ZNF780B: variants seen among roughly 807,000 people sequenced by gnomAD.
The protein encoded by ZNF780B is zinc finger protein 779.
ZNF780B carries 52 observed loss-of-function variants against 74.1 expected under a neutral mutation model. The ratio of observed to expected loss-of-function variants is 0.70; its 90% CI spans 0.56 to 0.88. The LOEUF is 0.88. Ranked by LOEUF, ZNF780B falls within the 40% of genes least tolerant of loss-of-function variation. The probability of loss-of-function intolerance (pLI) is 0.00; values close to 1 mark genes in which losing one functional copy is unlikely to be tolerated. For missense variants in ZNF780B, 953 were observed against 1,007.6 expected, an observed-to-expected ratio of 0.95 and a Z score of 0.73; for synonymous variants, 315 against 324.3, an observed-to-expected ratio of 0.97 and a Z score of 0.31.
At chr19:40,049,916 G>A (rs947154592) in intron 2 of ZNF780B, among the ~76,000 whole-genome samples, 2 of 152,046 alleles carry the variant, frequency 1.3e-5, no homozygotes, top group Admixed American at 6.5e-5. Context: ...TGTGGATCCT[G>A]GCCAGGCACA....
intron 4 of ZNF780B, among the ~76,000 whole-genome samples, chr19:40,044,452 A>G (rs1205449150): frequency 6.6e-6 from 1 of 152,240 alleles, no homozygotes; most frequent in Non-Finnish European, 1.5e-5. Flanking sequence ...ACAGAGAGAA[A>G]TGAGAGAGAA....
At chr19:40,046,218 A>G (rs1972927177) in intron 4 of ZNF780B, among the ~76,000 whole-genome samples, 1 of 152,208 alleles carries the variant, frequency 6.6e-6, no homozygotes, top group Non-Finnish European at 1.5e-5. Flanking sequence ...ACAACAATGT[A>G]TTGTATATTT....
rs1483495207 is a variant in ZNF780B, at chr19:40,031,652, T to A, written c.*2705A>T. ...TGAACAAAAAAGAGGTTCCGGACAA[T>A]CTTGGCTCCCTATACAATCCAAAGG... On this transcript the variant is annotated 3_prime_UTR_variant, in exon 5 of 5. Coordinates refer to ENST00000434248, the MANE Select transcript of ZNF780B (RefSeq NM_001005851.3). The A allele has an allele frequency of 6.4e-6, 1 of 155,698 alleles. No individual in the cohort carries two copies. The highest frequency in any genetic ancestry group is 1.4e-5 in the Non-Finnish European group (1 of 70,186). The allele number at this position is 155,698 out of a possible 1,614,324, so 9.6% of individuals were successfully genotyped here. A position where few individuals can be genotyped will look rare whatever the true frequency, so the allele number is the denominator to read the frequency against.
chr19:40,053,329 C>A (rs1434585162), intron 1 of ZNF780B, among the ~76,000 whole-genome samples: 3 of 152,184 alleles, frequency 2.0e-5, no homozygotes, highest in Non-Finnish European at 2.9e-5. Flanking sequence ...CATTACTAAT[C>A]ATCAGGGAAA....
In ZNF780B at chr19:40,033,141, C is replaced by T. The variant is rs1972069866; in HGVS notation, c.*1216G>A. The T allele has an allele frequency of 6.5e-6, 1 of 152,726 alleles. No homozygotes were observed. Among genetic ancestry groups the T allele is most frequent in the South Asian group, 2.1e-4 (1 of 4,832 alleles). 9.5% of individuals were successfully genotyped at this position (152,726 alleles called of 1,614,324 possible). A position where few individuals can be genotyped will look rare whatever the true frequency, so the allele number is the denominator to read the frequency against. On this transcript the variant is annotated 3_prime_UTR_variant, in exon 5 of 5. Coordinates refer to ENST00000434248, the MANE Select transcript of ZNF780B (RefSeq NM_001005851.3). ...AACAATTACACTAGTAACAATTACACTAGTAATCAAAAAACACTGGTCACA... is the reference window on the plus strand; with the variant it reads ...AACAATTACACTAGTAACAATTACATTAGTAATCAAAAAACACTGGTCACA...
intron 1 of ZNF780B, among the ~76,000 whole-genome samples, chr19:40,050,863 C>T (rs1012898757): frequency 1.3e-5 from 2 of 152,324 alleles, no homozygotes; most frequent in Non-Finnish European, 1.5e-5. Flanking sequence ...GACAGAATTG[C>T]ATGGGCAGTG....
At chr19:40,046,852 G>A (rs1434787390) in intron 4 of ZNF780B, among the ~76,000 whole-genome samples, 1 of 152,142 alleles carries the variant, frequency 6.6e-6, no homozygotes, top group Admixed American at 6.5e-5. Flanking sequence ...CATATTTACT[G>A]AACATGAATA....
At chr19:40,040,938 C>A (rs2144757572) in intron 4 of ZNF780B, among the ~76,000 whole-genome samples, 1 of 152,138 alleles carries the variant, frequency 6.6e-6, no homozygotes, top group African/African-American at 2.4e-5. Flanking sequence ...TTAGTTATTT[C>A]TTGCCTTCTG....
chr19:40,047,149 G>GA, intron 4 of ZNF780B: 1 of 450,008 alleles, frequency 2.2e-6, no homozygotes, highest in South Asian at 2.6e-5. Flanking sequence ...AAAAGAGGAA[G>GA]AAAATAACAG....
rs553051799 is a variant in ZNF780B, at chr19:40,034,784, G to C, written c.2075C>G (p.Ser692Cys). The change falls in exon 5 of 5, where the codon TCC (serine) becomes TGC (cysteine). Residue 692 changes from serine (S) to cysteine (C), a missense_variant. Coordinates refer to ENST00000434248, the MANE Select transcript of ZNF780B (RefSeq NM_001005851.3). ...CTTACATACAAAGGGTTTCGCACTG[G>C]AATGAGTTTTCTGATGCTGAATAAG... The part of the protein sequence containing the change: ...SNLIQHQKTH[S>C]SAKPFVCKEC... The C allele has an allele frequency of 6.2e-7, 1 of 1,613,646 alleles. No individual in the cohort carries two copies. The highest frequency in any genetic ancestry group is 1.1e-5 in the South Asian group (1 of 91,064).
intron 1 of ZNF780B, among the ~76,000 whole-genome samples, chr19:40,055,833 C>G (rs1973472947): frequency 6.6e-6 from 1 of 152,346 alleles, no homozygotes; most frequent in Middle Eastern, 3.4e-3. Context: ...GCAGCCTCTG[C>G]AGCTTTGAAG....
rs1972014184 is a variant in ZNF780B at position 40,031,828 on chromosome 19, A to T, written c.*2529T>A. Reference sequence around the variant, plus strand: ...AGTACACGTGACTATAACTTTTCAGAGATGACAACGTCTCTCCATAGATTA... The same window carrying T: ...AGTACACGTGACTATAACTTTTCAGTGATGACAACGTCTCTCCATAGATTA... On this transcript the variant is annotated 3_prime_UTR_variant, in exon 5 of 5. Transcript: ENST00000434248. The T allele has an allele frequency of 3.7e-6, 1 of 272,246 alleles. No homozygotes were observed. The highest frequency in any genetic ancestry group is 7.4e-6 in the Non-Finnish European group (1 of 134,870). The allele number at this position is 272,246 out of a possible 1,614,324, so 16.9% of individuals were successfully genotyped here. A position where few individuals can be genotyped will look rare whatever the true frequency, so the allele number is the denominator to read the frequency against.
chr19:40,054,372 T>G (rs1024455358), intron 1 of ZNF780B, among the ~76,000 whole-genome samples: 5 of 152,198 alleles, frequency 3.3e-5, no homozygotes, highest in African/African-American at 1.2e-4. Flanking sequence ...TCTGTAGTGC[T>G]AAGAGAGTGG....
intron 2 of ZNF780B, among the ~76,000 whole-genome samples, chr19:40,049,388 C>T (rs2144820190): frequency 6.6e-6 from 1 of 152,112 alleles, no homozygotes; most frequent in Admixed American, 6.5e-5. Context: ...AAATAACTGA[C>T]ATATTAGATT....
intron 4 of ZNF780B, among the ~76,000 whole-genome samples, chr19:40,037,216 C>A (rs1479037193): frequency 6.9e-6 from 1 of 143,990 alleles, no homozygotes; most frequent in Non-Finnish European, 1.5e-5. Context: ...TGCCTGGCCT[C>A]TATTTTTTTT....
chr19:40,034,176 C>T lies in ZNF780B; in HGVS notation c.*181G>A, dbSNP rs1972115735. ...ACTAAAGGCTTTCCCACATTCTTCA[C>T]ATTGATATGGTTTCTCACCAGTATG... On this transcript the variant is annotated 3_prime_UTR_variant, in exon 5 of 5. Transcript: ENST00000434248. 1 of 672,942 alleles carries T rather than the reference C, an allele frequency of 1.5e-6. No individual in the cohort carries two copies. The highest frequency in any genetic ancestry group is 2.6e-5 in the Admixed American group (1 of 38,720). 41.7% of individuals were successfully genotyped at this position (672,942 alleles called of 1,614,324 possible).
intron 1 of ZNF780B, among the ~76,000 whole-genome samples, chr19:40,050,793 C>T (rs1271789429): frequency 2.6e-5 from 4 of 152,228 alleles, no homozygotes; most frequent in Admixed American, 2.6e-4. Flanking sequence ...AATCCAGAAC[C>T]TCTTTGTGAA....
chr19:40,048,506 T>G (rs746964186), intron 3 of ZNF780B, among the ~76,000 whole-genome samples, 164 bp downstream of exon 3: 5 of 152,166 alleles, frequency 3.3e-5, no homozygotes, highest in Non-Finnish European at 7.4e-5. Context: ...ATGCAGAGGC[T>G]CCAAGGAGGT....
At chr19:40,041,264 T>G in intron 4 of ZNF780B, among the ~76,000 whole-genome samples, 1 of 152,240 alleles carries the variant, frequency 6.6e-6, no homozygotes, top group Non-Finnish European at 1.5e-5. Context: ...CCCTGTGGTC[T>G]GAGAGACAGT....
Sources: gnomAD v4.1 joint callset for allele counts (sites outside exome capture counted in the v4.1 genomes callset) on GRCh38, gnomAD v4.1.1 for gene constraint, MANE v1.5 for transcripts, NCBI Gene and HGNC (gene_info 2026-07-23, HGNC 2026-07-21) for gene names.